EPS15: variants seen among roughly 807,000 people sequenced by gnomAD.
The protein encoded by EPS15 is epidermal growth factor receptor pathway substrate 15.
In EPS15, 72 loss-of-function variants were observed where a neutral mutation model predicts 113.8. The ratio of observed to expected loss-of-function variants is 0.63; its 90% CI spans 0.52 to 0.77. The LOEUF is 0.77. EPS15 is among the 30% of genes least tolerant of loss of function. The pLI is 0.00. For synonymous variants in EPS15, 344 were observed against 363.4 expected, an observed-to-expected ratio of 0.95 and a Z score of 0.61; for missense variants, 1,048 against 1,045.8, an observed-to-expected ratio of 1.00 and a Z score of -0.03.
intron 21 of EPS15, among the ~76,000 whole-genome samples, chr1:51,388,949 T>C (rs1419708312): frequency 1.3e-5 from 2 of 152,048 alleles, no homozygotes; most frequent in South Asian, 2.1e-4. Context: ...AAAGAGGGAA[T>C]CCTCCCTAAC....
intron 21 of EPS15, among the ~76,000 whole-genome samples, chr1:51,393,340 G>C (rs972525162): frequency 1.3e-5 from 2 of 152,178 alleles, no homozygotes; most frequent in Admixed American, 6.5e-5. Context: ...CTCCCAAGTA[G>C]CTGGGATTAT....
chr1:51,378,125 G>C (rs1356699120), intron 21 of EPS15, among the ~76,000 whole-genome samples: 1 of 151,944 alleles, frequency 6.6e-6, no homozygotes, highest in African/African-American at 2.4e-5. Flanking sequence ...TTGAACTCCT[G>C]ACCTCAGGTG....
chr1:51,504,511 G>A (rs189995018), intron 1 of EPS15, among the ~76,000 whole-genome samples: 71 of 152,124 alleles, frequency 4.7e-4, no homozygotes, highest in Admixed American at 2.2e-3. Context: ...TGCAAACCAC[G>A]TATCTAATAA....
At position 51,402,437 on chromosome 1, in the gene EPS15, C is replaced by T. The variant is rs777257044; in HGVS notation, c.1880G>A (p.Gly627Asp). 3.9e-6 allele frequency: 6 copies of T among 1,533,450 alleles called. No individual in the cohort carries two copies. In the South Asian group the frequency reaches 6.1e-5, roughly 16 times the overall value. The allele number at this position is 1,533,450 out of a possible 1,614,324, so 95.0% of individuals were successfully genotyped here. The change falls in exon 18 of 25, where the codon GGC becomes GAC. Residue 627 changes from glycine (G) to aspartate (D), a missense_variant and splice_region_variant. Gly to Asp is a moderately conservative substitution (Grantham distance 94). Coordinates refer to ENST00000371733, the MANE Select transcript of EPS15 (RefSeq NM_001981.3). ...LDFFQSDPFV[G>D]SDPFKDDPFG... Reference sequence around the variant, plus strand: ...AATATAAAAAAAAGAGTACTTACTGCCAACAAAAGGATCAGACTGGAAAAA... The same window carrying T: ...AATATAAAAAAAAGAGTACTTACTGTCAACAAAAGGATCAGACTGGAAAAA...
chr1:51,474,869 C>A (rs1001906534), intron 2 of EPS15, among the ~76,000 whole-genome samples: 2 of 132,606 alleles, frequency 1.5e-5, no homozygotes, highest in African/African-American at 5.6e-5. Flanking sequence ...GTGTGATGTT[C>A]CCCACCCTGT....
chr1:51,487,272 T>C (rs1644142128), intron 1 of EPS15, among the ~76,000 whole-genome samples: 1 of 152,190 alleles, frequency 6.6e-6, no homozygotes, highest in South Asian at 2.1e-4. Flanking sequence ...AAAATATTTA[T>C]TACCAAAAAT....
chr1:51,517,596 T>C (rs1333827079), intron 1 of EPS15, among the ~76,000 whole-genome samples: 1 of 152,226 alleles, frequency 6.6e-6, no homozygotes, highest in Non-Finnish European at 1.5e-5. Flanking sequence ...GGATCTTGTT[T>C]AATGCAAGTC....
intron 21 of EPS15, among the ~76,000 whole-genome samples, chr1:51,376,832 T>C (rs993016514): frequency 1.3e-5 from 2 of 152,218 alleles, no homozygotes; most frequent in African/African-American, 2.4e-5. Flanking sequence ...AGGAGTAATT[T>C]TGACTTTCTA....
chr1:51,429,704 G>A (rs1371488334), intron 12 of EPS15, among the ~76,000 whole-genome samples: 1 of 149,280 alleles, frequency 6.7e-6, no homozygotes, highest in Non-Finnish European at 1.5e-5. Flanking sequence ...AGGTTGGAGT[G>A]CAGTGGCGCG....
In EPS15 at chr1:51,406,025, A is replaced by G. The variant is rs1557436958; in HGVS notation, c.1557T>C (p.Leu519=). 1 of 1,614,052 alleles carries G rather than the reference A, an allele frequency of 6.2e-7. No homozygotes were observed. Among genetic ancestry groups the G allele is most frequent in the Non-Finnish European group, 8.5e-7 (1 of 1,180,004 alleles). ...LNWCSSPHSI[L]VNGATDYCSL... ...TGCAATAATCTGTAGCTCCGTTTAC[A>G]AGAATGCTGTGTGGGCTACTGCACC... is the stretch of plus-strand genomic sequence containing the variant. The change falls in exon 16 of 25, where the codon CTT becomes CTC. Residue 519 remains leucine (L), a synonymous_variant. Coordinates refer to ENST00000371733, the MANE Select transcript of EPS15 (RefSeq NM_001981.3).
chr1:51,507,979 C>T (rs186915265), intron 1 of EPS15, among the ~76,000 whole-genome samples: 4 of 151,796 alleles, frequency 2.6e-5, no homozygotes, highest in African/African-American at 9.7e-5. Context: ...AGATCGAGAC[C>T]ATCCTGGCCA....
chr1:51,398,975 C>G (rs1243623101), intron 20 of EPS15, 57 bp downstream of exon 20: 3 of 1,474,080 alleles, frequency 2.0e-6, no homozygotes, highest in East Asian at 4.6e-5. Flanking sequence ...TTTCAAGAAA[C>G]TTGCTTAGGA....
At chr1:51,458,712 G>A in intron 8 of EPS15, 1 of 248,950 alleles carries the variant, frequency 4.0e-6, no homozygotes, top group Non-Finnish European at 8.3e-6. Flanking sequence ...ACTCCAGCCT[G>A]AGTGACAGAG....
At chr1:51,459,795 C>G (rs924704656) in intron 8 of EPS15, among the ~76,000 whole-genome samples, 1 of 151,744 alleles carries the variant, frequency 6.6e-6, no homozygotes, top group African/African-American at 2.4e-5. Context: ...TAAAAATTAT[C>G]TAAAAAGCTG....
At chr1:51,448,214 TA>T in intron 8 of EPS15, 79 bp from the exon 9 acceptor site, 3 of 796,208 alleles carry the variant, frequency 3.8e-6, no homozygotes, top group Non-Finnish European at 5.9e-6. Context: ...TGTTCAATGA[TA>T]AATCATCGTC....
At chr1:51,403,211 CATTT>C (rs1648754447) in intron 17 of EPS15, among the ~76,000 whole-genome samples, 2 of 152,186 alleles carry the variant, frequency 1.3e-5, no homozygotes, top group East Asian at 1.9e-4. Context: ...CTATTAAGAA[CATTT>C]ATTTATTTTA....
At chr1:51,437,119 G>A (rs72696122) in intron 12 of EPS15, among the ~76,000 whole-genome samples, 12 of 151,950 alleles carry the variant, frequency 7.9e-5, no homozygotes, top group Non-Finnish European at 1.8e-4. Flanking sequence ...AAGGTATCTC[G>A]CACTTCAAGC....
intron 10 of EPS15, 38 bp from the exon 11 acceptor site, chr1:51,445,083 A>G (rs113384778): frequency 1.3e-6 from 2 of 1,563,862 alleles, no homozygotes; most frequent in Admixed American, 1.9e-5. Context: ...TGTAAGTGCC[A>G]CAACTGCAAA....
At chr1:51,515,476 C>T (rs111680602) in intron 1 of EPS15, among the ~76,000 whole-genome samples, 4,817 of 121,324 alleles carry the variant, frequency 0.04, 123 homozygotes, top group Non-Finnish European at 0.063. Flanking sequence ...TGTCTCAAAA[C>T]AAAACAAAAA....
Sources: allele counts gnomAD v4.1 joint callset (sites outside exome capture counted in the v4.1 genomes callset), GRCh38; gene constraint gnomAD v4.1.1; transcripts MANE v1.5; gene names NCBI Gene and HGNC (gene_info 2026-07-23, HGNC 2026-07-21).